MPHOSPH6: variants seen among roughly 807,000 people sequenced by gnomAD.
MPHOSPH6 encodes the protein M-phase phosphoprotein 6.
MPHOSPH6 carries 25 observed loss-of-function variants against 21.8 expected under a neutral mutation model. The observed-to-expected ratio is 1.15, with a 90% CI of 0.83 to 1.60. The LOEUF (loss-of-function observed/expected upper bound fraction) is 1.60. MPHOSPH6 is among the 40% of genes most tolerant of loss of function. MPHOSPH6 has a pLI of 0.00. For synonymous variants in MPHOSPH6, 84 were observed against 56.5 expected (o/e 1.49, Z -2.18); for missense variants, 269 against 181.8 (o/e 1.48, Z -2.76).
At chr16:82,157,622 C>A (rs924595634) in intron 2 of MPHOSPH6, among the ~76,000 whole-genome samples, 1 of 152,164 alleles carries the variant, frequency 6.6e-6, no homozygotes, top group Non-Finnish European at 1.5e-5. Context: ...CTGAATGCAA[C>A]CACCACCCAC....
intron 2 of MPHOSPH6, among the ~76,000 whole-genome samples, chr16:82,158,896 C>T (rs1163908628): frequency 6.6e-6 from 1 of 152,170 alleles, no homozygotes; most frequent in African/African-American, 2.4e-5. Context: ...ATCTATACAA[C>T]TCATTTTCCA....
intron 2 of MPHOSPH6, 176 bp downstream of exon 2, chr16:82,163,906 T>C (rs1906680490): frequency 3.7e-6 from 2 of 533,936 alleles, no homozygotes; most frequent in Non-Finnish European, 3.3e-6. Context: ...AGTAAAAATG[T>C]ATAAATCCAT....
chr16:82,154,377 C>T (rs888816423), intron 2 of MPHOSPH6, among the ~76,000 whole-genome samples: 5 of 152,074 alleles, frequency 3.3e-5, no homozygotes, highest in African/African-American at 7.2e-5. Context: ...AGAAAAATAA[C>T]AAAATCCAGG....
chr16:82,169,911 C>A (rs1003069754), intron 1 of MPHOSPH6, among the ~76,000 whole-genome samples: 2 of 152,202 alleles, frequency 1.3e-5, no homozygotes, highest in African/African-American at 2.4e-5. Flanking sequence ...AGCTCCCATC[C>A]GCCCGCGGGC....
intron 2 of MPHOSPH6, among the ~76,000 whole-genome samples, chr16:82,155,058 T>G (rs555408296): frequency 6.6e-6 from 1 of 152,232 alleles, no homozygotes; most frequent in Non-Finnish European, 1.5e-5. Context: ...TGTTCTGATA[T>G]TCAAAAGTCA....
intron 2 of MPHOSPH6, among the ~76,000 whole-genome samples, chr16:82,161,868 C>T (rs1185138525): frequency 2.6e-5 from 4 of 152,132 alleles, no homozygotes; most frequent in Non-Finnish European, 5.9e-5. Flanking sequence ...CACTGAATAG[C>T]CCTAATTATC....
At chr16:82,167,349 T>A (rs1022743665) in intron 1 of MPHOSPH6, among the ~76,000 whole-genome samples, 1 of 152,164 alleles carries the variant, frequency 6.6e-6, no homozygotes, top group East Asian at 1.9e-4. Context: ...TCAACCCTCT[T>A]ATACTTGCCT....
At chr16:82,154,927 G>A (rs1280635001) in intron 2 of MPHOSPH6, among the ~76,000 whole-genome samples, 1 of 152,114 alleles carries the variant, frequency 6.6e-6, no homozygotes, top group East Asian at 1.9e-4. Context: ...TAACTCTACA[G>A]TCTAATATCT....
intron 2 of MPHOSPH6, among the ~76,000 whole-genome samples, chr16:82,153,359 A>G (rs530397046): frequency 1.1e-4 from 16 of 152,312 alleles, no homozygotes; most frequent in African/African-American, 3.4e-4. Flanking sequence ...GATAATGAAC[A>G]AATCCAAGCA....
intron 1 of MPHOSPH6, among the ~76,000 whole-genome samples, chr16:82,169,242 C>A (rs1305508986): frequency 6.6e-6 from 1 of 152,224 alleles, no homozygotes; most frequent in Non-Finnish European, 1.5e-5. Context: ...TACTCTGCAA[C>A]CCCATTTCTT....
Position 82,148,864 on chromosome 16 carries a change from C to G in MPHOSPH6, c.351-1G>C. 1.2e-6 allele frequency: 2 copies of G among 1,614,066 alleles called. No individual in the cohort carries two copies. The highest frequency in any genetic ancestry group is 1.7e-6 in the Non-Finnish European group (2 of 1,179,974). ...AATTGTCCCCACCAAGGTCTCATAT[C>G]TGTCAAGAGGACAGGCAGCACACGT... is the stretch of plus-strand genomic sequence containing the variant. On this transcript the variant is annotated splice_acceptor_variant, in intron 4 of 4. Coordinates refer to ENST00000258169, the MANE Select transcript of MPHOSPH6 (RefSeq NM_005792.2). LOFTEE classifies it high-confidence loss of function.
intron 2 of MPHOSPH6, among the ~76,000 whole-genome samples, chr16:82,161,786 C>G (rs1167868237): frequency 6.6e-6 from 1 of 152,212 alleles, no homozygotes; most frequent in African/African-American, 2.4e-5. Flanking sequence ...AGTTGAGGCA[C>G]AGCAGCTAGA....
intron 4 of MPHOSPH6, 144 bp from the exon 5 acceptor site, chr16:82,149,007 T>C: frequency 9.0e-7 from 1 of 1,109,504 alleles, no homozygotes; most frequent in Non-Finnish European, 1.3e-6. Context: ...GATTTAACAA[T>C]TTATGAACTT....
intron 2 of MPHOSPH6, among the ~76,000 whole-genome samples, chr16:82,158,452 T>G (rs965059040): frequency 7.6e-6 from 1 of 132,136 alleles, no homozygotes; most frequent in Non-Finnish European, 1.5e-5. Flanking sequence ...TGAGCGGAGA[T>G]CTCGCCACTG....
At position 82,148,668 on chromosome 16, in the gene MPHOSPH6, G is replaced by A; in HGVS notation, c.*63C>T. On this transcript the variant is annotated 3_prime_UTR_variant, in exon 5 of 5. Transcript: ENST00000258169. Reference sequence around the variant, plus strand: ...ATAACTATAGAGACACCATTGGGATGAGCTCCAGATGCCCTGCTGACTTCC... The same window carrying A: ...ATAACTATAGAGACACCATTGGGATAAGCTCCAGATGCCCTGCTGACTTCC... The A allele has an allele frequency of 6.3e-7, 1 of 1,577,572 alleles. No homozygotes were observed. Among genetic ancestry groups the A allele is most frequent in the Middle Eastern group, 1.7e-4 (1 of 5,828 alleles).
chr16:82,170,151 A>G lies in MPHOSPH6; in HGVS notation c.25T>C (p.Leu9=), dbSNP rs1257461493. 1 of 1,595,580 alleles carries G rather than the reference A, an allele frequency of 6.3e-7. No individual in the cohort carries two copies. Among genetic ancestry groups the G allele is most frequent in the Non-Finnish European group, 8.5e-7 (1 of 1,171,096 alleles). Residue 9 remains leucine, a synonymous_variant, in exon 1 of 5, where the codon TTG becomes CTG. Transcript: ENST00000258169. The part of the protein sequence containing the change: MAAERKTR[L]SKNLLRMKFM... ...TTCATGCGCAGTAGATTCTTGGACAACCTTGTCTTTCGCTCGGCCGCCATG... is the reference window on the plus strand; with the variant it reads ...TTCATGCGCAGTAGATTCTTGGACAGCCTTGTCTTTCGCTCGGCCGCCATG...
chr16:82,160,036 G>C (rs780976629), intron 2 of MPHOSPH6, among the ~76,000 whole-genome samples: 5 of 152,190 alleles, frequency 3.3e-5, no homozygotes, highest in Non-Finnish European at 7.3e-5. Context: ...GAGGGACCCA[G>C]AGAAAGACAA....
intron 2 of MPHOSPH6, among the ~76,000 whole-genome samples, chr16:82,163,429 G>C (rs767955391): frequency 5.3e-5 from 8 of 152,180 alleles, no homozygotes; most frequent in Non-Finnish European, 1.2e-4. Context: ...TTAGGGGTGG[G>C]CCAGAAACTG....
intron 1 of MPHOSPH6, among the ~76,000 whole-genome samples, chr16:82,166,685 C>G (rs1243442828): frequency 1.3e-5 from 2 of 152,178 alleles, no homozygotes; most frequent in Non-Finnish European, 2.9e-5. Context: ...TGAACCTAGA[C>G]CTATCTTATT....
Sources: gnomAD v4.1 joint callset for allele counts (sites outside exome capture counted in the v4.1 genomes callset) on GRCh38, gnomAD v4.1.1 for gene constraint, MANE v1.5 for transcripts, NCBI Gene and HGNC (gene_info 2026-07-23, HGNC 2026-07-21) for gene names.